NXN: variants seen among roughly 807,000 people sequenced by gnomAD.
NXN encodes nucleoredoxin.
NXN carries 16 observed loss-of-function variants against 48.6 expected under a neutral mutation model. The ratio of observed to expected loss-of-function variants is 0.33; its 90% CI spans 0.22 to 0.50. NXN has a LOEUF of 0.50. Among genes scored for constraint, NXN ranks in the 20% least tolerant of loss-of-function variants. The probability of loss-of-function intolerance (pLI) is 0.98; values close to 1 mark genes in which losing one functional copy is unlikely to be tolerated. For missense variants in NXN, 492 were observed against 605.5 expected (o/e 0.81, Z 1.97); for synonymous variants, 281 against 269.6 (o/e 1.04, Z -0.41).
chr17:943,774 G>A lies in NXN; in HGVS notation c.360+35545C>T, dbSNP rs956938878. On this transcript the variant is annotated intron_variant, in intron 1 of 7. Coordinates refer to ENST00000336868, the MANE Select transcript of NXN (RefSeq NM_022463.5). ...CAGGAGGCGGAGGTTGCAGGGAGCC[G>A]AGATCGCGCCACTGCACTCCAGCCT... Among the ~76,000 whole-genome samples the A allele has an allele frequency of 1.1e-4, 17 of 151,942 alleles. 1 individual carries two copies. The South Asian group carries it at 1.5e-3, about 13-fold the overall frequency.
intron 1 of NXN, among the ~76,000 whole-genome samples, chr17:902,491 T>G (rs1327006180): frequency 6.6e-6 from 1 of 152,122 alleles, no homozygotes; most frequent in Non-Finnish European, 1.5e-5. Context: ...AGATGCTGCC[T>G]CACTGGGCCG....
chr17:897,869 T>C (rs8081685), intron 1 of NXN, among the ~76,000 whole-genome samples: 52,685 of 152,054 alleles, frequency 0.35, 11,145 homozygotes, highest in East Asian at 0.64. Flanking sequence ...TTAGTAGAGA[T>C]GGGGTTTCAC....
rs1321712323 is a variant in NXN at position 958,475 on chromosome 17, C to T, written c.360+20844G>A. Among the ~76,000 whole-genome samples the T allele has an allele frequency of 6.6e-6, 1 of 151,772 alleles. No homozygotes were observed. The highest frequency in any genetic ancestry group is 1.5e-5 in the Non-Finnish European group (1 of 67,928). ...CAGCCCGGGCAACATAGCAGGACTCCAACTCTACAAAAATTAATCTTAAAA... is the reference window on the plus strand; with the variant it reads ...CAGCCCGGGCAACATAGCAGGACTCTAACTCTACAAAAATTAATCTTAAAA... On this transcript the variant is annotated intron_variant, in intron 1 of 7. Transcript: ENST00000336868. This position sits in a 1 kb window ranked among gnomAD's most constrained non-coding sequence, Gnocchi z 6.9.
At chr17:837,610 CCAGAATG>C (rs1227980231) in intron 1 of NXN, among the ~76,000 whole-genome samples, 1 of 152,126 alleles carries the variant, frequency 6.6e-6, no homozygotes, top group East Asian at 1.9e-4. Context: ...CCTGGGGGGC[CCAGAATG>C]CTCCTGAAAT....
chr17:856,071 T>C (rs555475576), intron 1 of NXN, among the ~76,000 whole-genome samples: 29 of 152,170 alleles, frequency 1.9e-4, no homozygotes, highest in Middle Eastern at 3.4e-3. Flanking sequence ...CACACGCCTA[T>C]AATCCCAGCT....
At chr17:904,253 C>A (rs1271265431) in intron 1 of NXN, among the ~76,000 whole-genome samples, 1 of 151,942 alleles carries the variant, frequency 6.6e-6, no homozygotes, top group Non-Finnish European at 1.5e-5. Context: ...TGTAAGCGGG[C>A]CTTGCTGCGG....
At chr17:965,238 G>A (rs1008254968) in intron 1 of NXN, among the ~76,000 whole-genome samples, 14 of 152,154 alleles carry the variant, frequency 9.2e-5, no homozygotes, top group African/African-American at 3.4e-4. Flanking sequence ...CCGTGATTTC[G>A]TGACCAGCAA....
chr17:854,377 G>A (rs371976466), intron 1 of NXN, among the ~76,000 whole-genome samples: 16 of 151,926 alleles, frequency 1.1e-4, no homozygotes, highest in Admixed American at 4.6e-4. Flanking sequence ...AGCCGGGAGC[G>A]GTGGCTCACG....
intron 1 of NXN, among the ~76,000 whole-genome samples, chr17:878,425 GT>G (rs1352427301): frequency 8.1e-6 from 1 of 122,710 alleles, no homozygotes. Flanking sequence ...GGGGGAGGGG[GT>G]GCCCTTGAAG....
intron 5 of NXN, among the ~76,000 whole-genome samples, chr17:812,750 G>A (rs531476197): frequency 2.4e-5 from 3 of 122,684 alleles, no homozygotes; most frequent in East Asian, 4.3e-4. Flanking sequence ...GCGTGAGTGA[G>A]AGTGTGCATA....
chr17:828,096 AGTTTTTTTTGTTTTTTG>A (rs567488567), intron 1 of NXN, among the ~76,000 whole-genome samples: 3 of 151,774 alleles, frequency 2.0e-5, no homozygotes, highest in Non-Finnish European at 4.4e-5. Context: ...CTGCACATCC[AGTTTTTTTTGTTTTTTG>A]GTTTTTTTTA....
chr17:833,679 C>G (rs112862208), intron 1 of NXN, among the ~76,000 whole-genome samples: 1 of 152,070 alleles, frequency 6.6e-6, no homozygotes, highest in Non-Finnish European at 1.5e-5. Context: ...CCCCCTGAAG[C>G]CTGTTAGCGG....
rs529998978 is a variant in NXN at position 864,174 on chromosome 17, G to A, written c.361-38096C>T. ...TTGCTCGGTTCCGGTGAAGGGACGC[G>A]TCTGCCGTTGCTCGGTTCCGGTGAA... On this transcript the variant is annotated intron_variant, in intron 1 of 7. Transcript: ENST00000336868. 3.0e-4 allele frequency: 342 copies of A among 1,143,336 alleles called. 5 individuals carry two copies. The South Asian group carries it at 4.5e-3, about 15-fold the overall frequency. 70.8% of individuals were successfully genotyped at this position (1,143,336 alleles called of 1,614,324 possible).
intron 1 of NXN, among the ~76,000 whole-genome samples, chr17:966,790 T>G: frequency 9.9e-6 from 1 of 101,286 alleles, no homozygotes; most frequent in East Asian, 3.0e-4. Context: ...TGCATTCAGG[T>G]GGGGGGATGA....
chr17:886,556 C>G (rs2068350170), intron 1 of NXN, among the ~76,000 whole-genome samples: 5 of 152,174 alleles, frequency 3.3e-5, no homozygotes, highest in Admixed American at 3.3e-4. Context: ...GTGGGTGGAT[C>G]ACCTGAGGTC....
chr17:888,962 CAAA>C (rs71145786), intron 1 of NXN, among the ~76,000 whole-genome samples: 9,785 of 101,366 alleles, frequency 0.097, 479 homozygotes, highest in South Asian at 0.2. Context: ...AACTCCATCT[CAAA>C]AAAAAAAAAA....
intron 1 of NXN, among the ~76,000 whole-genome samples, chr17:889,041 G>T (rs1646693779): frequency 6.6e-6 from 1 of 152,080 alleles, no homozygotes; most frequent in Admixed American, 6.5e-5. Context: ...GAACGCTGGG[G>T]GTTCTAAGCC....
intron 1 of NXN, among the ~76,000 whole-genome samples, chr17:902,841 C>T (rs1484151739): frequency 2.7e-5 from 4 of 150,892 alleles, no homozygotes; most frequent in African/African-American, 9.8e-5. Context: ...TGCAATGGCG[C>T]GATCTCAGCT....
At chr17:934,735 G>A (rs188659374) in intron 1 of NXN, among the ~76,000 whole-genome samples, 23 of 151,354 alleles carry the variant, frequency 1.5e-4, no homozygotes, top group Non-Finnish European at 2.7e-4. Context: ...TTAGCTGGTC[G>A]TGATGGCACG....
Sources: allele counts gnomAD v4.1 joint callset (sites outside exome capture counted in the v4.1 genomes callset), GRCh38; gene constraint gnomAD v4.1.1; non-coding constraint Gnocchi (gnomAD v3.1); transcripts MANE v1.5; gene names NCBI Gene and HGNC (gene_info 2026-07-23, HGNC 2026-07-21).